SCGB2B2: variants seen among roughly 807,000 people sequenced by gnomAD.
The protein encoded by SCGB2B2 is secretoglobin-like protein.
A neutral mutation model predicts 7.6 loss-of-function variants in SCGB2B2; 11 were observed. The ratio of observed to expected loss-of-function variants is 1.45; its 90% CI spans 0.91 to 2.40. The LOEUF (loss-of-function observed/expected upper bound fraction) is 2.40, where lower values mean the gene tolerates loss of function less well. Among genes scored for constraint, SCGB2B2 ranks in the 30% most tolerant of loss-of-function variants. SCGB2B2 has a pLI of 0.00. For synonymous variants in SCGB2B2, 50 were observed against 48.6 expected, an observed-to-expected ratio of 1.03 and a Z score of -0.12; for missense variants, 104 against 115.4, an observed-to-expected ratio of 0.90 and a Z score of 0.45.
At chr19:34,631,119 TGGGGGGA>T (rs1555746802) in intron 1 of SCGB2B2, among the ~76,000 whole-genome samples, 1 of 46,768 alleles carries the variant, frequency 2.1e-5, no homozygotes, top group African/African-American at 8.5e-5. Context: ...TGTTGTGGGG[TGGGGGGA>T]GGGGGGAGGG....
rs1050719431 is a variant in SCGB2B2 at position 34,594,875 on chromosome 19, A to G, written c.-312T>C. The G allele has an allele frequency of 2.4e-6, 1 of 419,926 alleles. No individual in the cohort carries two copies. Among genetic ancestry groups the G allele is most frequent in the African/African-American group, 2.0e-5 (1 of 49,790 alleles). 26.0% of individuals were successfully genotyped at this position (419,926 alleles called of 1,614,324 possible). ...TTGGGAGCAGGCTGAACACTGGTGT[A>G]AGCCTGCAAGTCTGAGTGTGCATGC... On this transcript the variant is annotated 5_prime_UTR_variant, in exon 2 of 4. Transcript: ENST00000601241.
intron 1 of SCGB2B2, among the ~76,000 whole-genome samples, chr19:34,624,090 T>G (rs917775588): frequency 1.3e-5 from 2 of 152,166 alleles, no homozygotes; most frequent in African/African-American, 4.8e-5. Context: ...TTGCTAGGTG[T>G]TGTGGCAATA....
intron 1 of SCGB2B2, among the ~76,000 whole-genome samples, chr19:34,627,986 T>G (rs1351069623): frequency 1.3e-5 from 2 of 152,134 alleles, no homozygotes; most frequent in Non-Finnish European, 2.9e-5. Context: ...ACCGCTCAAC[T>G]ACATGGAAAC....
chr19:34,603,683 T>C (rs2065694114), intron 1 of SCGB2B2, among the ~76,000 whole-genome samples: 1 of 152,210 alleles, frequency 6.6e-6, no homozygotes, highest in African/African-American at 2.4e-5. Context: ...ATGCAGGATT[T>C]CTCTTTCTTC....
chr19:34,649,288 C>A (rs2067102834), intron 1 of SCGB2B2, among the ~76,000 whole-genome samples: 1 of 151,978 alleles, frequency 6.6e-6, no homozygotes, highest in African/African-American at 2.4e-5. Flanking sequence ...TGTATAACTT[C>A]AAAAAGGGAA....
chr19:34,609,773 T>A (rs536151180), intron 1 of SCGB2B2, among the ~76,000 whole-genome samples: 83 of 152,258 alleles, frequency 5.5e-4, no homozygotes, highest in South Asian at 3.3e-3. Flanking sequence ...CCAACTTTTT[T>A]CATTTTTCTC....
chr19:34,667,987 G>A (rs1409956981), intron 1 of SCGB2B2, among the ~76,000 whole-genome samples: 1 of 152,244 alleles, frequency 6.6e-6, no homozygotes, highest in African/African-American at 2.4e-5. Context: ...TCACAGGCAA[G>A]TGGCTTCAAC....
chr19:34,657,755 A>G (rs1356618898), intron 1 of SCGB2B2, among the ~76,000 whole-genome samples: 2 of 151,892 alleles, frequency 1.3e-5, no homozygotes, highest in Non-Finnish European at 2.9e-5. Flanking sequence ...CCTAATAGAC[A>G]TCTACAGAAA....
intron 1 of SCGB2B2, among the ~76,000 whole-genome samples, chr19:34,669,872 G>A (rs2067756295): frequency 6.6e-6 from 1 of 152,232 alleles, no homozygotes; most frequent in African/African-American, 2.4e-5. Context: ...CACATGGAGA[G>A]CACCAGTGCT....
chr19:34,625,316 C>T (rs189444203), intron 1 of SCGB2B2, among the ~76,000 whole-genome samples: 3 of 152,108 alleles, frequency 2.0e-5, no homozygotes, highest in African/African-American at 7.2e-5. Flanking sequence ...CGAAGCAGGG[C>T]GAGGCATCAT....
intron 1 of SCGB2B2, among the ~76,000 whole-genome samples, chr19:34,652,279 T>C (rs879480541): frequency 1.3e-5 from 2 of 150,962 alleles, no homozygotes; most frequent in African/African-American, 2.5e-5. Context: ...ATAACTGGAT[T>C]ATATTAAACT....
At chr19:34,646,666 C>G (rs2067022041) in intron 1 of SCGB2B2, 1 of 152,796 alleles carries the variant, frequency 6.5e-6, no homozygotes, top group Admixed American at 6.5e-5. Context: ...TCAGCGATGA[C>G]TGCAAAGATG....
At chr19:34,585,992 T>C (rs73594654), downstream of SCGB2B2, among the ~76,000 whole-genome samples, 5,913 of 152,276 alleles carry the variant, frequency 0.039, 334 homozygotes, top group African/African-American at 0.12. Flanking sequence ...ATATAACAAT[T>C]ACATATACCT....
At chr19:34,614,365 ATTCT>A (rs1211839133) in intron 1 of SCGB2B2, among the ~76,000 whole-genome samples, 4 of 152,040 alleles carry the variant, frequency 2.6e-5, no homozygotes, top group East Asian at 1.9e-4. Flanking sequence ...AAGTTCAGAG[ATTCT>A]TTCTTCTGCT....
At chr19:34,673,710 A>G (rs1184928834) in intron 1 of SCGB2B2, among the ~76,000 whole-genome samples, 1 of 152,142 alleles carries the variant, frequency 6.6e-6, no homozygotes, top group Admixed American at 6.5e-5. Context: ...AAACATAGCT[A>G]TTATCTTCAA....
downstream of SCGB2B2, among the ~76,000 whole-genome samples, chr19:34,590,280 T>C (rs913980762): frequency 6.6e-6 from 1 of 152,188 alleles, no homozygotes; most frequent in Non-Finnish European, 1.5e-5. Context: ...TGTCCTCATG[T>C]CGTGACCTGA....
At chr19:34,618,926 A>G (rs1338845939) in intron 1 of SCGB2B2, among the ~76,000 whole-genome samples, 2 of 152,250 alleles carry the variant, frequency 1.3e-5, no homozygotes, top group African/African-American at 4.8e-5. Context: ...TATAAAACAG[A>G]CAAGTCAAAC....
At chr19:34,588,021 C>G (rs1394204485), downstream of SCGB2B2, among the ~76,000 whole-genome samples, 1 of 152,114 alleles carries the variant, frequency 6.6e-6, no homozygotes, top group Non-Finnish European at 1.5e-5. Context: ...AGTTTGATAT[C>G]CGGATAATGG....
chr19:34,654,958 T>C (rs1230589862), intron 1 of SCGB2B2, among the ~76,000 whole-genome samples: 2 of 151,256 alleles, frequency 1.3e-5, no homozygotes, highest in Non-Finnish European at 2.9e-5. Flanking sequence ...TTCGGGCACT[T>C]ACACCACTCC....
Sources: gnomAD v4.1 joint callset for allele counts (sites outside exome capture counted in the v4.1 genomes callset) on GRCh38, gnomAD v4.1.1 for gene constraint, MANE v1.5 for transcripts, NCBI Gene and HGNC (gene_info 2026-07-23, HGNC 2026-07-21) for gene names.